The following TMEM145 variants were observed in gnomAD, a reference collection of about 807,000 sequenced individuals.
TMEM145 encodes the protein transmembrane protein 145.
Under a neutral mutation model 68.5 loss-of-function variants are expected in TMEM145, and 46 were observed. That is an observed-to-expected ratio of 0.67 (90% CI 0.53 to 0.86). The LOEUF (loss-of-function observed/expected upper bound fraction) is 0.86, where lower values mean the gene tolerates loss of function less well. Ranked by LOEUF, TMEM145 falls within the 40% of genes least tolerant of loss-of-function variation. The probability of loss-of-function intolerance (pLI) is 0.00; values close to 1 mark genes in which losing one functional copy is unlikely to be tolerated. For synonymous variants in TMEM145, 255 were observed against 280.2 expected (o/e 0.91, Z 0.90); for missense variants, 570 against 645.8 (o/e 0.88, Z 1.27).
chr19:42,317,611 C>A (rs1375943512), intron 11 of TMEM145, 98 bp from the exon 12 acceptor site: 2 of 1,184,570 alleles, frequency 1.7e-6, no homozygotes, highest in African/African-American at 3.1e-5. Flanking sequence ...TGTGTTCTGA[C>A]CGAGTACCTC....
chr19:42,313,408 G>T lies in TMEM145; in HGVS notation c.32G>T (p.Arg11Leu). 1 of 1,356,124 alleles carries T rather than the reference G, an allele frequency of 7.4e-7. No individual in the cohort carries two copies. The allele number at this position is 1,356,124 out of a possible 1,614,324, so 84.0% of individuals were successfully genotyped here. A position where few individuals can be genotyped will look rare whatever the true frequency, so the allele number is the denominator to read the frequency against. The change falls in exon 1 of 15, where the codon CGC becomes CTC. Residue 11 changes from arginine to leucine, a missense_variant. Arg to Leu is a moderately radical substitution (Grantham distance 102). Coordinates refer to ENST00000301204, the MANE Select transcript of TMEM145 (RefSeq NM_173633.3). The surrounding 1 kb of genome is among the most constrained non-coding windows in gnomAD (Gnocchi z 5.1). ...CCCCTGCGCGCGCCCGCGCTGCGCCGCCTGCTGCCGCCGCTGCTGCTCCTG... is the reference window on the plus strand; with the variant it reads ...CCCCTGCGCGCGCCCGCGCTGCGCCTCCTGCTGCCGCCGCTGCTGCTCCTG... MEPLRAPALR[R>L]LLPPLLLLLL...
chr19:42,314,718 G>A lies in TMEM145; in HGVS notation c.360+19G>A, dbSNP rs2038837235. 1 of 1,614,196 alleles carries A rather than the reference G, an allele frequency of 6.2e-7. No individual in the cohort carries two copies. Among genetic ancestry groups the A allele is most frequent in the Non-Finnish European group, 8.5e-7 (1 of 1,180,026 alleles). On this transcript the variant is annotated intron_variant, in intron 4 of 14. Transcript: ENST00000301204. ...CTGTCAGGTGCAGGCTCAGCCTGGG[G>A]GAGTGGGCAGGTGCTGAAGGATGAA...
intron 11 of TMEM145, 57 bp from the exon 12 acceptor site, chr19:42,317,652 G>T: frequency 6.3e-7 from 1 of 1,591,872 alleles, no homozygotes; most frequent in African/African-American, 1.3e-5. Flanking sequence ...TGGGGTCCGG[G>T]GACCCTAATA....
chr19:42,315,332 T>C lies in TMEM145; in HGVS notation c.578-40T>C, dbSNP rs1012467688. On this transcript the variant is annotated intron_variant, in intron 7 of 14. Transcript: ENST00000301204. Reference sequence around the variant, plus strand: ...GTTGGGGGAGGTGAGCTGCTCTCCCTTTCTGCCTGTGGACAGCCTTTCCCT... The same window carrying C: ...GTTGGGGGAGGTGAGCTGCTCTCCCCTTCTGCCTGTGGACAGCCTTTCCCT... The C allele has an allele frequency of 1.9e-6, 3 of 1,614,032 alleles. No individual in the cohort carries two copies. The African/African-American group carries it at 4.0e-5, about 22-fold the overall frequency.
intron 10 of TMEM145, 56 bp downstream of exon 10, chr19:42,316,796 G>C: frequency 6.2e-7 from 1 of 1,609,418 alleles, no homozygotes; most frequent in Non-Finnish European, 8.5e-7. Context: ...GGCAGGGGCA[G>C]GGTTGGGGGG....
intron 11 of TMEM145, 125 bp from the exon 12 acceptor site, chr19:42,317,584 C>T: frequency 1.2e-6 from 1 of 802,844 alleles, no homozygotes; most frequent in Non-Finnish European, 2.0e-6. Flanking sequence ...GTCTCCGTGC[C>T]TGGCTCTCCT....
intron 8 of TMEM145, 92 bp downstream of exon 8, chr19:42,315,532 C>T: frequency 1.4e-6 from 2 of 1,381,600 alleles, no homozygotes; most frequent in South Asian, 2.4e-5. Flanking sequence ...GGGGCCTGGA[C>T]TCCTGGGTCC....
In TMEM145 at chr19:42,318,019, TACTC is replaced by T; in HGVS notation, c.1073+142_1073+145del. The T allele has an allele frequency of 5.2e-6, 5 of 958,838 alleles. No individual in the cohort carries two copies. In the East Asian group the frequency reaches 9.8e-5, roughly 19 times the overall value. The allele number at this position is 958,838 out of a possible 1,614,324, so 59.4% of individuals were successfully genotyped here. The stretch of plus-strand genomic sequence containing the variant: ...CAGCTGTTGCCCAGAATCTGCCACT[TACTC>T]ACTTTGTGAAAAATTACTTTCACAA... On this transcript the variant is annotated intron_variant, in intron 12 of 14. Coordinates refer to ENST00000301204, the MANE Select transcript of TMEM145 (RefSeq NM_173633.3).
Position 42,316,667 on chromosome 19 carries a change from C to T in TMEM145, c.733C>T (p.Leu245=), listed in dbSNP as rs141625990. The change falls in exon 10 of 15, where the codon CTG becomes TTG. Residue 245 remains leucine (L), a synonymous_variant. Coordinates refer to ENST00000301204, the MANE Select transcript of TMEM145 (RefSeq NM_173633.3). ...GNESVKILAK[L]LFSSSFLIFL... ...CCCCTCCTCCCTTCTCCCAGCCAAG[C>T]TGCTCTTCTCCTCCAGCTTCCTCAT... is the stretch of plus-strand genomic sequence containing the variant. The T allele has an allele frequency of 6.2e-7, 1 of 1,613,950 alleles. No individual in the cohort carries two copies. Among genetic ancestry groups the T allele is most frequent in the East Asian group, 2.2e-5 (1 of 44,878 alleles).
chr19:42,320,391 A>G lies in TMEM145; in HGVS notation c.1148A>G (p.Asn383Ser). ...IPKWAREKIV[N>S]GIQLGIHLYA... ...AAGTGGGCCCGGGAGAAGATTGTCA[A>G]TGGCATCCAGCTGGGGATCCACTTG... is the stretch of plus-strand genomic sequence containing the variant. Residue 383 changes from asparagine (N) to serine (S), a missense_variant, in exon 13 of 15, where the codon AAT becomes AGT. Coordinates refer to ENST00000301204, the MANE Select transcript of TMEM145 (RefSeq NM_173633.3). 1 of 1,614,142 alleles carries G rather than the reference A, an allele frequency of 6.2e-7. No individual in the cohort carries two copies. Among genetic ancestry groups the G allele is most frequent in the South Asian group, 1.1e-5 (1 of 91,086 alleles).
chr19:42,315,160 A>T, intron 6 of TMEM145, 28 bp from the exon 7 acceptor site: 1 of 1,613,870 alleles, frequency 6.2e-7, no homozygotes, highest in Non-Finnish European at 8.5e-7. Flanking sequence ...CACCTGAATG[A>T]ACCTTACTCC....
Position 42,313,927 on chromosome 19 carries a change from T to G in TMEM145, c.121-345T>G, listed in dbSNP as rs1489338114. Reference sequence around the variant, plus strand: ...GCACGGGGTGGGGTGCAGGGGAGTGTGGATATTGGGGGAACGGGGTTAGAT... The same window carrying G: ...GCACGGGGTGGGGTGCAGGGGAGTGGGGATATTGGGGGAACGGGGTTAGAT... On this transcript the variant is annotated intron_variant, in intron 1 of 14. Coordinates refer to ENST00000301204, the MANE Select transcript of TMEM145 (RefSeq NM_173633.3). This position sits in a 1 kb window ranked among gnomAD's most constrained non-coding sequence, Gnocchi z 5.1. Among the ~76,000 whole-genome samples, 1 of 150,846 alleles carries G rather than the reference T, an allele frequency of 6.6e-6. No homozygotes were observed. The highest frequency in any genetic ancestry group is 1.5e-5 in the Non-Finnish European group (1 of 67,704).
At chr19:42,316,818 C>G in intron 10 of TMEM145, 52 bp from the exon 11 acceptor site, 4 of 1,610,126 alleles carry the variant, frequency 2.5e-6, no homozygotes, top group Non-Finnish European at 3.4e-6. Flanking sequence ...TGGGTGCATC[C>G]TCCTCCCTGA....
At position 42,313,340 on chromosome 19, in the gene TMEM145, C is replaced by G. The variant is rs944329369; in HGVS notation, c.-37C>G. 8 of 870,682 alleles carry G rather than the reference C, an allele frequency of 9.2e-6. No homozygotes were observed. In the African/African-American group the frequency reaches 1.4e-4, roughly 15 times the overall value. 53.9% of individuals were successfully genotyped at this position (870,682 alleles called of 1,614,324 possible). A position where few individuals can be genotyped will look rare whatever the true frequency, so the allele number is the denominator to read the frequency against. ...TCTCGCCTCCATTGCCGGGCCAGTG[C>G]GGGAGCCGGAGCGGAGCCGGGGCCG... On this transcript the variant is annotated 5_prime_UTR_variant, in exon 1 of 15. Coordinates refer to ENST00000301204, the MANE Select transcript of TMEM145 (RefSeq NM_173633.3). The surrounding 1 kb of genome is among the most constrained non-coding windows in gnomAD (Gnocchi z 5.1).
chr19:42,323,626 A>G lies in TMEM145; in HGVS notation c.1238A>G (p.His413Arg). 6.2e-7 allele frequency: 1 copy of G among 1,614,110 alleles called. No individual in the cohort carries two copies. ...PSAANKNFPY[H>R]VRTSQIASAG... is the part of the protein sequence containing the mutation. The stretch of plus-strand genomic sequence containing the variant: ...GCGGCCAACAAGAACTTCCCGTACC[A>G]CGTGCGCACGTCGCAGATCGCTTCA... The change falls in exon 14 of 15, where the codon CAC becomes CGC. Residue 413 changes from histidine to arginine, a missense_variant. Coordinates refer to ENST00000301204, the MANE Select transcript of TMEM145 (RefSeq NM_173633.3).
chr19:42,319,566 C>G (rs563547869), intron 12 of TMEM145, among the ~76,000 whole-genome samples: 1 of 152,116 alleles, frequency 6.6e-6, no homozygotes, highest in African/African-American at 2.4e-5. Context: ...TCTGCCTCAG[C>G]CTCCCGAGTA....
intron 14 of TMEM145, 67 bp from the exon 15 acceptor site, chr19:42,324,653 CAGGTTGGGTACGCTGCG>C: frequency 7.8e-7 from 1 of 1,285,486 alleles, no homozygotes; most frequent in Non-Finnish European, 9.9e-7. Context: ...CCCGCGCGCC[CAGGTTGGGTACGCTGCG>C]TCCCGCCCCC....
Position 42,313,753 on chromosome 19 carries a change from G to C in TMEM145, c.120+257G>C, listed in dbSNP as rs1297124166. Among the ~76,000 whole-genome samples the C allele has an allele frequency of 6.6e-6, 1 of 152,124 alleles. No homozygotes were observed. Among genetic ancestry groups the C allele is most frequent in the African/African-American group, 2.4e-5 (1 of 41,440 alleles). The stretch of plus-strand genomic sequence containing the variant: ...CGGGGAGGGGGAGCGGGTTGGGAGA[G>C]TCAGAGTTTGGGAAGGGTGGTGCAG... On this transcript the variant is annotated intron_variant, in intron 1 of 14. Coordinates refer to ENST00000301204, the MANE Select transcript of TMEM145 (RefSeq NM_173633.3). The surrounding 1 kb of genome is among the most constrained non-coding windows in gnomAD (Gnocchi z 5.1).
chr19:42,324,979 T>G lies in TMEM145; in HGVS notation c.*162T>G. 2.6e-6 allele frequency: 3 copies of G among 1,158,156 alleles called. No homozygotes were observed. Among genetic ancestry groups the G allele is most frequent in the Non-Finnish European group, 2.2e-6 (2 of 911,920 alleles). 71.7% of individuals were successfully genotyped at this position (1,158,156 alleles called of 1,614,324 possible). On this transcript the variant is annotated 3_prime_UTR_variant, in exon 15 of 15. Coordinates refer to ENST00000301204, the MANE Select transcript of TMEM145 (RefSeq NM_173633.3). ...CCGTACTCCATCTGCCGCATCTCCATTCCGGGGGCCTTCCCTCGGGTCCCT... is the reference window on the plus strand; with the variant it reads ...CCGTACTCCATCTGCCGCATCTCCAGTCCGGGGGCCTTCCCTCGGGTCCCT...
Sources: gnomAD v4.1 joint callset for allele counts (sites outside exome capture counted in the v4.1 genomes callset) on GRCh38, gnomAD v4.1.1 for gene constraint, Gnocchi (gnomAD v3.1) non-coding constraint, MANE v1.5 for transcripts, NCBI Gene and HGNC (gene_info 2026-07-23, HGNC 2026-07-21) for gene names.